Variants in ACTL7A observed in about 807,000 individuals in gnomAD.
ACTL7A encodes the protein actin like 7A.
In ACTL7A, 27 loss-of-function variants were observed where a neutral mutation model predicts 30.3. The ratio of observed to expected loss-of-function variants is 0.89; its 90% CI spans 0.66 to 1.23. ACTL7A has a LOEUF of 1.23. ACTL7A is among the 50% of genes most tolerant of loss of function. The pLI, the probability that ACTL7A is intolerant of heterozygous loss-of-function variation, is 0.00. For synonymous variants in ACTL7A, 259 were observed against 241.4 expected, an observed-to-expected ratio of 1.07 and a Z score of -0.67; for missense variants, 566 against 571.8, an observed-to-expected ratio of 0.99 and a Z score of 0.10.
chr9:108,862,761 C>T lies in ACTL7A; in HGVS notation c.439C>T (p.Gln147Ter). ...CATCATCGTGGACTGGGATACAGTG[C>T]AGGATATCTGGGAATATCTCTTCCG... ...HGIIVDWDTVQDIWEYLFRQE... is the reference protein window; with the variant it reads ...HGIIVDWDTV The change falls in exon 1 of 1, where the codon CAG becomes TAG. Residue 147 changes from glutamine to a stop codon, truncating the protein, a stop_gained. Coordinates refer to ENST00000333999, the MANE Select transcript of ACTL7A (RefSeq NM_006687.4). LOFTEE classifies it high-confidence loss of function. 6.2e-7 allele frequency: 1 copy of T among 1,614,176 alleles called. No homozygotes were observed. The highest frequency in any genetic ancestry group is 8.5e-7 in the Non-Finnish European group (1 of 1,180,036).
rs112558776 is a variant in ACTL7A, at chr9:108,862,996, A to C, written c.674A>C (p.Tyr225Ser). 6.2e-7 allele frequency: 1 copy of C among 1,611,902 alleles called. No individual in the cohort carries two copies. The highest frequency in any genetic ancestry group is 1.3e-5 in the African/African-American group (1 of 74,878). The change falls in exon 1 of 1, where the codon TAC becomes TCC. Residue 225 changes from tyrosine to serine, a missense_variant. Physicochemically the swap from Tyr to Ser is moderately radical, Grantham distance 144. Transcript: ENST00000333999. ...GTGGAGGTGGGCCATGGCGTGTCCT[A>C]CGTGGTCCCCATCTACGAGGGTTAT... is the stretch of plus-strand genomic sequence containing the variant. ...LVVEVGHGVSYVVPIYEGYPL... is the reference protein window; with the variant it reads ...LVVEVGHGVSSVVPIYEGYPL...
chr9:108,863,123 C>A lies in ACTL7A; in HGVS notation c.801C>A (p.Asp267Glu), dbSNP rs990785445. 1 of 1,614,120 alleles carries A rather than the reference C, an allele frequency of 6.2e-7. No individual in the cohort carries two copies. The highest frequency in any genetic ancestry group is 8.5e-7 in the Non-Finnish European group (1 of 1,180,034). The change falls in exon 1 of 1, where the codon GAC becomes GAA. Residue 267 changes from aspartate to glutamate, a missense_variant. Coordinates refer to ENST00000333999, the MANE Select transcript of ACTL7A (RefSeq NM_006687.4). ...GTGCGGGGAACGAATTCACCCAGGACCAGATGGGCATCGTGGAGGACATCA... is the reference window on the plus strand; with the variant it reads ...GTGCGGGGAACGAATTCACCCAGGAACAGATGGGCATCGTGGAGGACATCA... The part of the protein sequence containing the change: ...LNSAGNEFTQ[D>E]QMGIVEDIKK...
At position 108,862,655 on chromosome 9, in the gene ACTL7A, T is replaced by A. The variant is rs1190093308; in HGVS notation, c.333T>A (p.Asp111Glu). 1.2e-6 allele frequency: 2 copies of A among 1,614,052 alleles called. No homozygotes were observed. The highest frequency in any genetic ancestry group is 8.5e-7 in the Non-Finnish European group (1 of 1,180,036). Residue 111 changes from aspartate (D) to glutamate (E), a missense_variant, in exon 1 of 1, where the codon GAT becomes GAA. Coordinates refer to ENST00000333999, the MANE Select transcript of ACTL7A (RefSeq NM_006687.4). ...KPYMETAKTG[D>E]NRKETFVGQE... ...ACATGGAGACCGCCAAGACTGGGGA[T>A]AATCGCAAGGAGACATTCGTGGGGC...
At position 108,862,298 on chromosome 9, in the gene ACTL7A, TAA is replaced by T. The variant is rs1163224110; in HGVS notation, c.-24_-23del. The T allele has an allele frequency of 1.3e-6, 2 of 1,575,952 alleles. No individual in the cohort carries two copies. The highest frequency in any genetic ancestry group is 1.7e-6 in the Non-Finnish European group (2 of 1,163,952). ...GAATCCAGTGGGATTGAGAACTTTC[TAA>T]GAGTGGTGCGGCTCTTGACAACATG... On this transcript the variant is annotated 5_prime_UTR_variant, in exon 1 of 1. Coordinates refer to ENST00000333999, the MANE Select transcript of ACTL7A (RefSeq NM_006687.4).
rs201549336 is a variant in ACTL7A, at chr9:108,862,440, C to T, written c.118C>T (p.Arg40Trp). The T allele has an allele frequency of 1.5e-5, 25 of 1,613,964 alleles. No homozygotes were observed. The East Asian group carries it at 2.0e-4, about 13-fold the overall frequency. Residue 40 changes from arginine to tryptophan, a missense_variant, in exon 1 of 1, where the codon CGG becomes TGG. Transcript: ENST00000333999. ...CTCTTTAAGGGATGGCCCGGCGAAGCGGGCCGTGTGGGTCCGCCATACGAG... is the reference window on the plus strand; with the variant it reads ...CTCTTTAAGGGATGGCCCGGCGAAGTGGGCCGTGTGGGTCCGCCATACGAG... ...TASLRDGPAK[R>W]AVWVRHTSSE...
In ACTL7A at chr9:108,862,836, C is replaced by G. The variant is rs753422693; in HGVS notation, c.514C>G (p.Pro172Ala). 17 of 1,613,880 alleles carry G rather than the reference C, an allele frequency of 1.1e-5. No homozygotes were observed. Among genetic ancestry groups the G allele is most frequent in the Non-Finnish European group, 1.4e-5 (17 of 1,179,964 alleles). ...GGAGCATGCGGTCTTGGTTTCAGAC[C>G]CGCCACTGAGCCCACACACCAACAG... ...PEEHAVLVSD[P>A]PLSPHTNREK... is the part of the protein sequence containing the mutation. The change falls in exon 1 of 1, where the codon CCG becomes GCG. Residue 172 changes from proline (P) to alanine (A), a missense_variant. Transcript: ENST00000333999.
Position 108,862,671 on chromosome 9 carries a change from T to C in ACTL7A, c.349T>C (p.Phe117Leu), listed in dbSNP as rs539671009. The C allele has an allele frequency of 1.2e-6, 2 of 1,614,110 alleles. No individual in the cohort carries two copies. Among genetic ancestry groups the C allele is most frequent in the East Asian group, 2.2e-5 (1 of 44,876 alleles). Residue 117 changes from phenylalanine (F) to leucine (L), a missense_variant, in exon 1 of 1, where the codon TTC becomes CTC. Phe to Leu is a conservative substitution (Grantham distance 22). Transcript: ENST00000333999. The part of the protein sequence containing the change: ...AKTGDNRKET[F>L]VGQELNNTNV... ...GACTGGGGATAATCGCAAGGAGACA[T>C]TCGTGGGGCAGGAACTCAACAACAC...
In ACTL7A at chr9:108,863,424, A is replaced by G. The variant is rs1827199724; in HGVS notation, c.1102A>G (p.Ser368Gly). The G allele has an allele frequency of 6.2e-7, 1 of 1,614,164 alleles. No individual in the cohort carries two copies. Among genetic ancestry groups the G allele is most frequent in the Non-Finnish European group, 8.5e-7 (1 of 1,180,026 alleles). Reference protein sequence around the residue: ...ILLCGGSTMLSGFPNRLQKEL... With the variant: ...ILLCGGSTMLGGFPNRLQKEL... ...GCTCTGCGGGGGCAGCACGATGCTC[A>G]GTGGCTTCCCTAACCGTCTGCAGAA... Residue 368 changes from serine to glycine, a missense_variant, in exon 1 of 1, where the codon AGT becomes GGT. Ser to Gly is a moderately conservative substitution (Grantham distance 56). Coordinates refer to ENST00000333999, the MANE Select transcript of ACTL7A (RefSeq NM_006687.4).
rs542842157 is a variant in ACTL7A at position 108,863,701 on chromosome 9, G to C, written c.*71G>C. The C allele has an allele frequency of 3.6e-4, 517 of 1,437,212 alleles. No individual in the cohort carries two copies. Among genetic ancestry groups the C allele is most frequent in the Non-Finnish European group, 4.4e-4 (468 of 1,062,774 alleles). 89.0% of individuals were successfully genotyped at this position (1,437,212 alleles called of 1,614,324 possible). A position where few individuals can be genotyped will look rare whatever the true frequency, so the allele number is the denominator to read the frequency against. ...AGGGTGAGCGCACTCCTACACACAGGGGGTGGAGCCGGCGCTTATTCCTGT... is the reference window on the plus strand; with the variant it reads ...AGGGTGAGCGCACTCCTACACACAGCGGGTGGAGCCGGCGCTTATTCCTGT... On this transcript the variant is annotated 3_prime_UTR_variant, in exon 1 of 1. Coordinates refer to ENST00000333999, the MANE Select transcript of ACTL7A (RefSeq NM_006687.4).
chr9:108,863,683 G>A lies in ACTL7A; in HGVS notation c.*53G>A, dbSNP rs748238839. ...GCAGTGCCTACCCTCGACAGGGTGA[G>A]CGCACTCCTACACACAGGGGGTGGA... On this transcript the variant is annotated 3_prime_UTR_variant, in exon 1 of 1. Coordinates refer to ENST00000333999, the MANE Select transcript of ACTL7A (RefSeq NM_006687.4). The A allele has an allele frequency of 1.2e-5, 18 of 1,528,430 alleles. No homozygotes were observed. The highest frequency in any genetic ancestry group is 1.4e-5 in the Non-Finnish European group (16 of 1,127,894). The allele number at this position is 1,528,430 out of a possible 1,614,324, so 94.7% of individuals were successfully genotyped here.
At position 108,863,495 on chromosome 9, in the gene ACTL7A, G is replaced by GCTGC; in HGVS notation, c.1177_1180dup (p.Glu394AlafsTer2). ...CCAATGACACCCCGCAGGTAAACGTGCTGCCTGAAAGAGACAGTGCCGTGT... is the reference window on the plus strand; with the variant it reads ...CCAATGACACCCCGCAGGTAAACGTGCTGCCTGCCTGAAAGAGACAGTGCCGTGT... On this transcript the variant is annotated frameshift_variant, in exon 1 of 1. Transcript: ENST00000333999. LOFTEE classifies it high-confidence loss of function. The GCTGC allele has an allele frequency of 4.3e-6, 7 of 1,614,222 alleles. No individual in the cohort carries two copies. The highest frequency in any genetic ancestry group is 5.9e-6 in the Non-Finnish European group (7 of 1,180,040).
Position 108,863,175 on chromosome 9 carries a change from G to A in ACTL7A, c.853G>A (p.Asp285Asn). 6.2e-7 allele frequency: 1 copy of A among 1,614,102 alleles called. No individual in the cohort carries two copies. The highest frequency in any genetic ancestry group is 8.5e-7 in the Non-Finnish European group (1 of 1,180,030). ...IKKKCCFVAL[D>N]PIEEKKVPLS... ...GAAGAAATGCTGCTTTGTGGCCCTG[G>A]ATCCCATTGAGGAGAAGAAAGTCCC... Residue 285 changes from aspartate to asparagine, a missense_variant, in exon 1 of 1, where the codon GAT becomes AAT. Asp to Asn is a conservative substitution (Grantham distance 23). Transcript: ENST00000333999.
Position 108,863,019 on chromosome 9 carries a change from T to A in ACTL7A, c.697T>A (p.Tyr233Asn). 2.5e-6 allele frequency: 4 copies of A among 1,613,660 alleles called. No individual in the cohort carries two copies. Among genetic ancestry groups the A allele is most frequent in the Non-Finnish European group, 3.4e-6 (4 of 1,179,756 alleles). ...VSYVVPIYEGYPLPSITGRLD... is the reference protein window; with the variant it reads ...VSYVVPIYEGNPLPSITGRLD... ...CTACGTGGTCCCCATCTACGAGGGT[T>A]ATCCTTTGCCCAGCATCACCGGAAG... The change falls in exon 1 of 1, where the codon TAT becomes AAT. Residue 233 changes from tyrosine to asparagine, a missense_variant. Transcript: ENST00000333999.
rs1239761165 is a variant in ACTL7A at position 108,863,392 on chromosome 9, A to C, written c.1070A>C (p.Asn357Thr). ...GCCCTCAAACGGGACCTCATGGGGA[A>C]CATCCTGCTCTGCGGGGGCAGCACG... ...DIALKRDLMG[N>T]ILLCGGSTML... The change falls in exon 1 of 1, where the codon AAC (asparagine) becomes ACC (threonine). Residue 357 changes from asparagine to threonine, a missense_variant. Physicochemically the swap from Asn to Thr is moderately conservative, Grantham distance 65. Transcript: ENST00000333999. 1.2e-6 allele frequency: 2 copies of C among 1,614,052 alleles called. No homozygotes were observed. Among genetic ancestry groups the C allele is most frequent in the African/African-American group, 1.3e-5 (1 of 74,924 alleles).
At position 108,862,992 on chromosome 9, in the gene ACTL7A, T is replaced by A. The variant is rs1236007831; in HGVS notation, c.670T>A (p.Ser224Thr). 1 of 1,611,444 alleles carries A rather than the reference T, an allele frequency of 6.2e-7. No homozygotes were observed. Among genetic ancestry groups the A allele is most frequent in the South Asian group, 1.1e-5 (1 of 90,710 alleles). Residue 224 changes from serine to threonine, a missense_variant, in exon 1 of 1, where the codon TCC becomes ACC. By Grantham distance (58) the Ser-to-Thr change is moderately conservative. Transcript: ENST00000333999. The stretch of plus-strand genomic sequence containing the variant: ...GGTGGTGGAGGTGGGCCATGGCGTG[T>A]CCTACGTGGTCCCCATCTACGAGGG... ...GLVVEVGHGV[S>T]YVVPIYEGYP...
In ACTL7A at chr9:108,862,976, G is replaced by A. The variant is rs1301956501; in HGVS notation, c.654G>A (p.Glu218=). The change falls in exon 1 of 1, where the codon GAG becomes GAA. Residue 218 remains glutamate (E), a synonymous_variant. Coordinates refer to ENST00000333999, the MANE Select transcript of ACTL7A (RefSeq NM_006687.4). The stretch of plus-strand genomic sequence containing the variant: ...GAAGGACCTCCGGCCTGGTGGTGGA[G>A]GTGGGCCATGGCGTGTCCTACGTGG... ...SYGRTSGLVV[E]VGHGVSYVVP... 10 of 1,609,534 alleles carry A rather than the reference G, an allele frequency of 6.2e-6. No homozygotes were observed. Among genetic ancestry groups the A allele is most frequent in the Non-Finnish European group, 7.6e-6 (9 of 1,177,230 alleles).
At position 108,863,192 on chromosome 9, in the gene ACTL7A, G is replaced by T. The variant is rs750553301; in HGVS notation, c.870G>T (p.Lys290Asn). The T allele has an allele frequency of 6.2e-7, 1 of 1,614,126 alleles. No homozygotes were observed. Residue 290 changes from lysine (K) to asparagine (N), a missense_variant, in exon 1 of 1, where the codon AAG (lysine) becomes AAT (asparagine). Transcript: ENST00000333999. Reference protein sequence around the residue: ...CFVALDPIEEKKVPLSEHTIR... With the variant: ...CFVALDPIEENKVPLSEHTIR... The stretch of plus-strand genomic sequence containing the variant: ...TGGCCCTGGATCCCATTGAGGAGAA[G>T]AAAGTCCCTCTCAGTGAGCATACGA...
chr9:108,863,536 T>A lies in ACTL7A; in HGVS notation c.1214T>A (p.Ile405Asn), dbSNP rs1273558293. Residue 405 changes from isoleucine (I) to asparagine (N), a missense_variant, in exon 1 of 1, where the codon ATC becomes AAC. Ile to Asn is a moderately radical substitution (Grantham distance 149). Coordinates refer to ENST00000333999, the MANE Select transcript of ACTL7A (RefSeq NM_006687.4). ...RDSAVWTGGS[I>N]LASLQGFQPL... Reference sequence around the variant, plus strand: ...AGTGCCGTGTGGACCGGTGGCTCCATCCTGGCCTCACTTCAGGGTTTCCAA... The same window carrying A: ...AGTGCCGTGTGGACCGGTGGCTCCAACCTGGCCTCACTTCAGGGTTTCCAA... 1 of 1,613,936 alleles carries A rather than the reference T, an allele frequency of 6.2e-7. No homozygotes were observed. Among genetic ancestry groups the A allele is most frequent in the East Asian group, 2.2e-5 (1 of 44,864 alleles).
rs1827187583 is a variant in ACTL7A, at chr9:108,862,901, C to T, written c.579C>T (p.Thr193=). 1.2e-6 allele frequency: 2 copies of T among 1,611,582 alleles called. No individual in the cohort carries two copies. The highest frequency in any genetic ancestry group is 1.3e-5 in the African/African-American group (1 of 74,904). ...AAATGCTGTTTGAAGCCTTCAACACCCCTGCAATGCACATCGCCTACCAGT... is the reference window on the plus strand; with the variant it reads ...AAATGCTGTTTGAAGCCTTCAACACTCCTGCAATGCACATCGCCTACCAGT... The part of the protein sequence containing the change: ...YAEMLFEAFN[T]PAMHIAYQSR... The change falls in exon 1 of 1, where the codon ACC becomes ACT. Residue 193 remains threonine, a synonymous_variant. Transcript: ENST00000333999.
Sources: allele counts gnomAD v4.1 joint callset, GRCh38; gene constraint gnomAD v4.1.1; transcripts MANE v1.5; gene names NCBI Gene and HGNC (gene_info 2026-07-23, HGNC 2026-07-21).